Variants in DYNC1H1 observed in about 807,000 individuals in gnomAD.
DYNC1H1 encodes cytoplasmic dynein 1 heavy chain 1.
Under a neutral mutation model 527.1 loss-of-function variants are expected in DYNC1H1, and 51 were observed. That is an observed-to-expected ratio of 0.10 (90% confidence interval 0.08 to 0.12). DYNC1H1 has a LOEUF of 0.12. Ranked by LOEUF, DYNC1H1 falls within the 10% of genes least tolerant of loss-of-function variation. The pLI is 1.00. For synonymous variants in DYNC1H1, 2,189 were observed against 2,278.8 expected, an observed-to-expected ratio of 0.96 and a Z score of 1.12; for missense variants, 2,771 against 5,971.8, an observed-to-expected ratio of 0.46 and a Z score of 17.66.
At position 102,033,891 on chromosome 14, in the gene DYNC1H1, A is replaced by T; in HGVS notation, c.10414-85A>T. 6.7e-7 allele frequency: 1 copy of T among 1,489,522 alleles called. No individual in the cohort carries two copies. 92.3% of individuals were successfully genotyped at this position (1,489,522 alleles called of 1,614,324 possible). A position where few individuals can be genotyped will look rare whatever the true frequency, so the allele number is the denominator to read the frequency against. On this transcript the variant is annotated intron_variant, in intron 54 of 77. Transcript: ENST00000360184. This position sits in a 1 kb window ranked among gnomAD's most constrained non-coding sequence, Gnocchi z 5.6. ...TTCTAACCCACCCAAAACCCTGCAC[A>T]TAATGTGGATGAACCGATTTGCAGG...
At chr14:102,032,148 TA>T in intron 51 of DYNC1H1, 123 bp from the exon 52 acceptor site, 1 of 1,182,386 alleles carries the variant, frequency 8.5e-7, no homozygotes, top group Non-Finnish European at 1.3e-6. Flanking sequence ...TTAGCTCTTC[TA>T]AGCAGCTAGC....
intron 44 of DYNC1H1, chr14:102,026,922 CCTG>C: frequency 1.3e-6 from 1 of 793,616 alleles, no homozygotes; most frequent in Admixed American, 2.2e-5. Flanking sequence ...GCACTGCATA[CCTG>C]CCATAATTAT....
chr14:101,987,615 A>G lies in DYNC1H1; in HGVS notation c.2701A>G (p.Asn901Asp). 1 of 1,614,190 alleles carries G rather than the reference A, an allele frequency of 6.2e-7. No homozygotes were observed. The highest frequency in any genetic ancestry group is 8.5e-7 in the Non-Finnish European group (1 of 1,180,028). Residue 901 changes from asparagine (N) to aspartate (D), a missense_variant, in exon 9 of 78, where the codon AAC (asparagine) becomes GAC (aspartate). Physicochemically the swap from Asn to Asp is conservative, Grantham distance 23 (BLOSUM62 1). Coordinates refer to ENST00000360184, the MANE Select transcript of DYNC1H1 (RefSeq NM_001376.5). ...HSYSNLPIWV[N>D]KLDMEIERIL... ...CTATTCCAATTTGCCCATCTGGGTC[A>G]ACAAGCTTGACATGGAGGTAAGGGA...
Position 102,018,742 on chromosome 14 carries a change from T to G in DYNC1H1, c.8343+126T>G. The G allele has an allele frequency of 7.7e-7, 1 of 1,292,134 alleles. No homozygotes were observed. The highest frequency in any genetic ancestry group is 1.1e-6 in the Non-Finnish European group (1 of 926,944). The allele number at this position is 1,292,134 out of a possible 1,614,324, so 80.0% of individuals were successfully genotyped here. On this transcript the variant is annotated intron_variant, in intron 41 of 77. Coordinates refer to ENST00000360184, the MANE Select transcript of DYNC1H1 (RefSeq NM_001376.5). This position sits in a 1 kb window ranked among gnomAD's most constrained non-coding sequence, Gnocchi z 5.2. ...TTGGGAGGCCAAGGTGGGTGGATCC[T>G]TTGAGCCCAGGAGTTTGAGACCAGT...
At chr14:102,009,723 C>T (rs2048237154) in intron 29 of DYNC1H1, 120 bp from the exon 30 acceptor site, 9 of 1,512,474 alleles carry the variant, frequency 6.0e-6, no homozygotes, top group Non-Finnish European at 8.1e-6. Context: ...CCCGAGGAAG[C>T]GTCTACTTCA....
rs748651294 is a variant in DYNC1H1 at position 102,005,167 on chromosome 14, C to T, written c.5364C>T (p.Thr1788=). 1.9e-5 allele frequency: 30 copies of T among 1,614,058 alleles called. No individual in the cohort carries two copies. In the East Asian group the frequency reaches 5.8e-4, roughly 31 times the overall value. ...LHSVLSNVEV[T]LNVLADSVLM... is the part of the protein sequence containing the mutation. The stretch of plus-strand genomic sequence containing the variant: ...CTGTGCTGAGCAATGTGGAGGTCAC[C>T]CTCAATGTGTTAGCAGACTCTGTCC... Residue 1788 remains threonine, a synonymous_variant, in exon 26 of 78, where the codon ACC becomes ACT. Transcript: ENST00000360184. This position sits in a 1 kb window ranked among gnomAD's most constrained non-coding sequence, Gnocchi z 4.0.
chr14:102,040,528 T>C lies in DYNC1H1; in HGVS notation c.11866-70T>C. On this transcript the variant is annotated intron_variant, in intron 63 of 77. Coordinates refer to ENST00000360184, the MANE Select transcript of DYNC1H1 (RefSeq NM_001376.5). ...GTGTCTGCGCTCTCGCGTCAGACTC[T>C]CGCTCAGTCGTGGGTTCTGCCCCAG... 3.1e-6 allele frequency: 5 copies of C among 1,611,180 alleles called. No homozygotes were observed. In the South Asian group the frequency reaches 5.5e-5, roughly 18 times the overall value.
At chr14:101,971,706 A>C (rs2047741109) in intron 1 of DYNC1H1, among the ~76,000 whole-genome samples, 1 of 152,222 alleles carries the variant, frequency 6.6e-6, no homozygotes, top group Admixed American at 6.5e-5. Flanking sequence ...AGCCTGGGTG[A>C]CAGAGTGAGA....
At position 102,011,754 on chromosome 14, in the gene DYNC1H1, GAAA is replaced by G. The variant is rs572860079; in HGVS notation, c.6619-110_6619-108del. The G allele has an allele frequency of 2.6e-5, 25 of 954,736 alleles. No homozygotes were observed. The highest frequency in any genetic ancestry group is 5.1e-5 in the African/African-American group (3 of 59,270). 59.1% of individuals were successfully genotyped at this position (954,736 alleles called of 1,614,324 possible). On this transcript the variant is annotated intron_variant, in intron 32 of 77. Transcript: ENST00000360184. The surrounding 1 kb of genome is among the most constrained non-coding windows in gnomAD (Gnocchi z 5.3). ...GTGACAGAGAGAGACTCCGTTTCAG[GAAA>G]AAAAAAAAAATCCACACATAATGTT... is the stretch of plus-strand genomic sequence containing the variant.
At chr14:102,009,667 G>C in intron 29 of DYNC1H1, 176 bp from the exon 30 acceptor site, 1 of 930,456 alleles carries the variant, frequency 1.1e-6, no homozygotes, top group Non-Finnish European at 1.6e-6. Flanking sequence ...CACCTGGGCT[G>C]GGAGAATGTG....
intron 2 of DYNC1H1, 110 bp downstream of exon 2, chr14:101,975,909 TC>T: frequency 2.3e-6 from 2 of 852,726 alleles, no homozygotes; most frequent in African/African-American, 3.5e-5. Flanking sequence ...TTAATATAAA[TC>T]TTTTTTTTTT....
At position 102,034,084 on chromosome 14, in the gene DYNC1H1, C is replaced by A. The variant is rs149496322; in HGVS notation, c.10522C>A (p.Leu3508Ile). ...GATGTCCACCATTGCTGGGGACTGT[C>A]TCTTGTCAGCTGCGTTCATTGCCTA... ...NQMSTIAGDC[L>I]LSAAFIAYAG... The change falls in exon 55 of 78, where the codon CTC becomes ATC. Residue 3508 changes from leucine to isoleucine, a missense_variant. Transcript: ENST00000360184. 1.4e-4 allele frequency: 230 copies of A among 1,614,196 alleles called. No individual in the cohort carries two copies. Among genetic ancestry groups the A allele is most frequent in the Middle Eastern group, 1.2e-3 (7 of 6,062 alleles).
At chr14:101,994,961 G>A (rs1379867793) in intron 13 of DYNC1H1, 25 bp from the exon 14 acceptor site, 31 of 1,613,352 alleles carry the variant, frequency 1.9e-5, no homozygotes, top group Non-Finnish European at 2.6e-5. Flanking sequence ...AGCTGATGAT[G>A]TGTTGTGTGC....
chr14:102,000,005 A>C lies in DYNC1H1; in HGVS notation c.3821A>C (p.Glu1274Ala). 6.2e-7 allele frequency: 1 copy of C among 1,614,216 alleles called. No individual in the cohort carries two copies. Among genetic ancestry groups the C allele is most frequent in the Non-Finnish European group, 8.5e-7 (1 of 1,180,050 alleles). The part of the protein sequence containing the change: ...TKPVTGNLRP[E>A]EALQALTIYE... Reference sequence around the variant, plus strand: ...TGCTTTCAGGGCAACCTTCGCCCAGAAGAGGCACTTCAGGCTCTCACCATA... The same window carrying C: ...TGCTTTCAGGGCAACCTTCGCCCAGCAGAGGCACTTCAGGCTCTCACCATA... Residue 1274 changes from glutamate (E) to alanine (A), a missense_variant, in exon 17 of 78, where the codon GAA (glutamate) becomes GCA (alanine). Coordinates refer to ENST00000360184, the MANE Select transcript of DYNC1H1 (RefSeq NM_001376.5).
rs761140751 is a variant in DYNC1H1 at position 102,049,117 on chromosome 14, G to A, written c.13373-323G>A. On this transcript the variant is annotated intron_variant, in intron 74 of 77. Coordinates refer to ENST00000360184, the MANE Select transcript of DYNC1H1 (RefSeq NM_001376.5). The surrounding 1 kb of genome is among the most constrained non-coding windows in gnomAD (Gnocchi z 5.5). ...TTTGCCCCAAAAGCCCTAATTGCCAGGAACACTGAGCCACTTGTGTGACAT... is the reference window on the plus strand; with the variant it reads ...TTTGCCCCAAAAGCCCTAATTGCCAAGAACACTGAGCCACTTGTGTGACAT... 4 of 451,412 alleles carry A rather than the reference G, an allele frequency of 8.9e-6. No homozygotes were observed. Among genetic ancestry groups the A allele is most frequent in the Non-Finnish European group, 1.6e-5 (4 of 243,230 alleles). 28.0% of individuals were successfully genotyped at this position (451,412 alleles called of 1,614,324 possible).
At chr14:101,992,746 C>T (rs1056854315) in intron 11 of DYNC1H1, among the ~76,000 whole-genome samples, 10 of 152,152 alleles carry the variant, frequency 6.6e-5, no homozygotes, top group African/African-American at 2.2e-4. Flanking sequence ...GCTTCTCTGT[C>T]CTTGTCTCAC....
chr14:102,048,776 G>A, intron 74 of DYNC1H1, 107 bp downstream of exon 74: 1 of 1,335,070 alleles, frequency 7.5e-7, no homozygotes, highest in African/African-American at 1.5e-5. Context: ...CAGGCCTGCA[G>A]GAGCTTCCGA....
chr14:102,033,906 C>G lies in DYNC1H1; in HGVS notation c.10414-70C>G. ...AACCCTGCACATAATGTGGATGAAC[C>G]GATTTGCAGGATTCGGTATAAATCC... is the stretch of plus-strand genomic sequence containing the variant. On this transcript the variant is annotated intron_variant, in intron 54 of 77. Coordinates refer to ENST00000360184, the MANE Select transcript of DYNC1H1 (RefSeq NM_001376.5). This position sits in a 1 kb window ranked among gnomAD's most constrained non-coding sequence, Gnocchi z 5.6. 6.4e-7 allele frequency: 1 copy of G among 1,554,284 alleles called. No individual in the cohort carries two copies. The highest frequency in any genetic ancestry group is 8.8e-7 in the Non-Finnish European group (1 of 1,132,650).
intron 11 of DYNC1H1, among the ~76,000 whole-genome samples, chr14:101,992,802 C>T (rs2048012907): frequency 6.6e-6 from 1 of 152,142 alleles, no homozygotes; most frequent in African/African-American, 2.4e-5. Context: ...GCGTGATGCT[C>T]TGGACTCTTC....
Sources: allele counts gnomAD v4.1 joint callset (sites outside exome capture counted in the v4.1 genomes callset), GRCh38; gene constraint gnomAD v4.1.1; non-coding constraint Gnocchi (gnomAD v3.1); transcripts MANE v1.5; gene names NCBI Gene and HGNC (gene_info 2026-07-23, HGNC 2026-07-21).